The following BNC2 variants were observed in gnomAD, a reference collection of about 807,000 sequenced individuals.
BNC2 encodes zinc finger protein basonuclin-2.
Under a neutral mutation model 76.3 loss-of-function variants are expected in BNC2, and 20 were observed. That is an observed-to-expected ratio of 0.26 (90% CI 0.18 to 0.38). BNC2 has a LOEUF of 0.38. Among genes scored for constraint, BNC2 ranks in the 10% least tolerant of loss-of-function variants. BNC2 has a pLI of 1.00. For missense variants in BNC2, 1,382 were observed against 1,399.8 expected, an observed-to-expected ratio of 0.99 and a Z score of 0.20; for synonymous variants, 582 against 514.8, an observed-to-expected ratio of 1.13 and a Z score of -1.77.
At chr9:16,568,336 T>C (rs977999110) in intron 4 of BNC2, among the ~76,000 whole-genome samples, 6 of 152,152 alleles carry the variant, frequency 3.9e-5, no homozygotes, top group African/African-American at 7.2e-5. Context: ...TTTTAAAGTT[T>C]TCATTATTTA....
chr9:16,866,619 G>A (rs1586947309), intron 1 of BNC2, among the ~76,000 whole-genome samples: 1 of 142,868 alleles, frequency 7.0e-6, no homozygotes, highest in African/African-American at 2.6e-5. Flanking sequence ...CTTAGCTGAC[G>A]CCTTGACTGT....
chr9:16,526,198 T>G (rs1817794215), intron 5 of BNC2, among the ~76,000 whole-genome samples: 1 of 152,112 alleles, frequency 6.6e-6, no homozygotes, highest in Non-Finnish European at 1.5e-5. Context: ...AACACATACA[T>G]ACACATATAT....
intron 3 of BNC2, among the ~76,000 whole-genome samples, chr9:16,693,027 G>A (rs942172382): frequency 1.3e-5 from 2 of 150,864 alleles, no homozygotes; most frequent in African/African-American, 4.9e-5. Context: ...CTACTTGGGA[G>A]GCTGAGGCAG....
intron 3 of BNC2, among the ~76,000 whole-genome samples, chr9:16,671,362 T>C (rs1445755576): frequency 6.6e-6 from 1 of 152,074 alleles, no homozygotes; most frequent in African/African-American, 2.4e-5. Context: ...AAGGAAAGGA[T>C]AAGTGGTAAA....
intron 5 of BNC2, among the ~76,000 whole-genome samples, chr9:16,476,843 T>C (rs1007958354): frequency 7.9e-5 from 12 of 152,174 alleles, no homozygotes; most frequent in African/African-American, 2.9e-4. Context: ...AATCGTATTT[T>C]TGAAAAAAGC....
chr9:16,443,458 A>G (rs1927622), intron 5 of BNC2, among the ~76,000 whole-genome samples: 11,414 of 152,182 alleles, frequency 0.075, 444 homozygotes, highest in Middle Eastern at 0.15. Flanking sequence ...AACAGATTGG[A>G]TAGAAAGTAG....
At chr9:16,426,440 C>T (rs1462205459) in intron 6 of BNC2, among the ~76,000 whole-genome samples, 1 of 151,498 alleles carries the variant, frequency 6.6e-6, no homozygotes, top group East Asian at 1.9e-4. Context: ...GCTGGAATTA[C>T]AGGTGTGAGC....
chr9:16,495,605 G>C (rs975571395), intron 5 of BNC2, among the ~76,000 whole-genome samples: 3 of 152,182 alleles, frequency 2.0e-5, no homozygotes. Flanking sequence ...TGTAGTTCAG[G>C]CCTGGCTCAC....
chr9:16,687,619 A>G (rs1005139371), intron 3 of BNC2, among the ~76,000 whole-genome samples: 6 of 152,168 alleles, frequency 3.9e-5, no homozygotes, highest in African/African-American at 1.4e-4. Flanking sequence ...CTTATTATAA[A>G]ACCTCAATAA....
At chr9:16,859,890 G>A (rs1819354898) in intron 1 of BNC2, among the ~76,000 whole-genome samples, 1 of 152,170 alleles carries the variant, frequency 6.6e-6, no homozygotes, top group African/African-American at 2.4e-5. Flanking sequence ...GGAGGCCAAG[G>A]CGGGCAGAAT....
chr9:16,725,998 A>ACG (rs1474413057), intron 3 of BNC2, among the ~76,000 whole-genome samples: 2 of 140,166 alleles, frequency 1.4e-5, no homozygotes, highest in Non-Finnish European at 3.1e-5. Context: ...ACACACACAC[A>ACG]CACGCACACA....
intron 1 of BNC2, among the ~76,000 whole-genome samples, chr9:16,773,512 GA>G (rs71327857): frequency 0.012 from 1,405 of 121,818 alleles, 19 homozygotes; most frequent in African/African-American, 0.035. Context: ...CATGCAATCA[GA>G]AAAAAAAAAA....
At chr9:16,581,951 C>T (rs894509186) in intron 4 of BNC2, among the ~76,000 whole-genome samples, 2 of 152,052 alleles carry the variant, frequency 1.3e-5, no homozygotes, top group African/African-American at 4.8e-5. Flanking sequence ...GAAATGTCCC[C>T]GCAACTCCAT....
At chr9:16,576,973 T>G (rs1197957360) in intron 4 of BNC2, among the ~76,000 whole-genome samples, 1 of 152,206 alleles carries the variant, frequency 6.6e-6, no homozygotes, top group Non-Finnish European at 1.5e-5. Context: ...CCTGACCTCC[T>G]GATCCACCTG....
At chr9:16,493,488 AG>A (rs1278278538) in intron 5 of BNC2, among the ~76,000 whole-genome samples, 3 of 152,226 alleles carry the variant, frequency 2.0e-5, no homozygotes, top group African/African-American at 7.2e-5. Context: ...GCAACATGGT[AG>A]GTAGACTAGG....
chr9:16,431,515 A>G (rs1820907795), intron 6 of BNC2: 1 of 466,352 alleles, frequency 2.1e-6, no homozygotes, highest in Non-Finnish European at 4.5e-6. Flanking sequence ...TGTATACTTC[A>G]TAATGGAGGG....
intron 1 of BNC2, among the ~76,000 whole-genome samples, chr9:16,755,489 AAT>A (rs1825358274): frequency 6.6e-6 from 1 of 152,192 alleles, no homozygotes; most frequent in Admixed American, 6.5e-5. Flanking sequence ...CCATTAGGGT[AAT>A]ATCACTATGC....
chr9:16,687,739 G>C (rs1290810674), intron 3 of BNC2, among the ~76,000 whole-genome samples: 1 of 152,058 alleles, frequency 6.6e-6, no homozygotes, highest in African/African-American at 2.4e-5. Flanking sequence ...AAGATTATTT[G>C]ACCACGTCAC....
At chr9:16,664,766 GAGA>G (rs1253889725) in intron 3 of BNC2, among the ~76,000 whole-genome samples, 1 of 151,926 alleles carries the variant, frequency 6.6e-6, no homozygotes. Context: ...ACCCAATAAG[GAGA>G]AGGTTTTGTT....
Sources: gnomAD v4.1 joint callset for allele counts (sites outside exome capture counted in the v4.1 genomes callset) on GRCh38, gnomAD v4.1.1 for gene constraint, MANE v1.5 for transcripts, NCBI Gene and HGNC (gene_info 2026-07-23, HGNC 2026-07-21) for gene names.